CSPG4: variants seen among roughly 807,000 people sequenced by gnomAD.
CSPG4 encodes chondroitin sulfate proteoglycan 4.
CSPG4 carries 74 observed loss-of-function variants against 139.3 expected under a neutral mutation model. That is an observed-to-expected ratio of 0.53 (90% CI 0.44 to 0.64). The LOEUF (loss-of-function observed/expected upper bound fraction) is 0.64, where lower values mean the gene tolerates loss of function less well. CSPG4 is among the 30% of genes least tolerant of loss of function. CSPG4 has a pLI of 0.00. For synonymous variants in CSPG4, 1,234 were observed against 1,394.2 expected, an observed-to-expected ratio of 0.89 and a Z score of 2.56; for missense variants, 2,565 against 3,148.3, an observed-to-expected ratio of 0.81 and a Z score of 4.43.
chr15:75,708,572 C>T (rs1894403286), intron 1 of CSPG4, among the ~76,000 whole-genome samples: 1 of 152,144 alleles, frequency 6.6e-6, no homozygotes, highest in Admixed American at 6.5e-5. Context: ...CTCTCTTTCC[C>T]CTGCTGGGGC....
intron 8 of CSPG4, among the ~76,000 whole-genome samples, chr15:75,681,089 C>T (rs1027699660): frequency 4.6e-5 from 7 of 152,280 alleles, no homozygotes; most frequent in Non-Finnish European, 7.4e-5. Context: ...ACTGAGGGTA[C>T]GCAGCAGCTG....
chr15:75,704,403 T>C (rs1894343237), intron 1 of CSPG4, among the ~76,000 whole-genome samples: 1 of 152,232 alleles, frequency 6.6e-6, no homozygotes, highest in East Asian at 1.9e-4. Flanking sequence ...CCCGTCTGAG[T>C]ACCCACCCCT....
Position 75,675,086 on chromosome 15 carries a change from C to T in CSPG4, c.*464G>A. 2.8e-6 allele frequency: 1 copy of T among 356,600 alleles called. No individual in the cohort carries two copies. The highest frequency in any genetic ancestry group is 5.0e-6 in the Non-Finnish European group (1 of 199,794). 22.1% of individuals were successfully genotyped at this position (356,600 alleles called of 1,614,324 possible). On this transcript the variant is annotated 3_prime_UTR_variant, in exon 10 of 10. Coordinates refer to ENST00000308508, the MANE Select transcript of CSPG4 (RefSeq NM_001897.5). Reference sequence around the variant, plus strand: ...GGAAGTTTTTTTCTCAACTCTGGGGCAGAGACAAAGGGTGGCCTGGGTTGG... The same window carrying T: ...GGAAGTTTTTTTCTCAACTCTGGGGTAGAGACAAAGGGTGGCCTGGGTTGG...
chr15:75,690,396 T>C lies in CSPG4; in HGVS notation c.669A>G (p.Glu223=). The change falls in exon 3 of 10, where the codon GAA becomes GAG. Residue 223 remains glutamate (E), a synonymous_variant. Coordinates refer to ENST00000308508, the MANE Select transcript of CSPG4 (RefSeq NM_001897.5). ...AAFPAWGTQD[E]GTLEFTLTTQ... Reference sequence around the variant, plus strand: ...TGGTGAGTGTAAACTCTAGGGTTCCTTCGTCCTGAGTGCCCCAGGCAGGGA... The same window carrying C: ...TGGTGAGTGTAAACTCTAGGGTTCCCTCGTCCTGAGTGCCCCAGGCAGGGA... 1 of 1,609,612 alleles carries C rather than the reference T, an allele frequency of 6.2e-7. No homozygotes were observed. Among genetic ancestry groups the C allele is most frequent in the Non-Finnish European group, 8.5e-7 (1 of 1,178,588 alleles).
chr15:75,687,977 C>T lies in CSPG4; in HGVS notation c.3088G>A (p.Ala1030Thr). ...GTCAGCAGCCGCCGCCCACCCCGGGCCACATGGAAGATCCGGCTGATGGTC... is the reference window on the plus strand; with the variant it reads ...GTCAGCAGCCGCCGCCCACCCCGGGTCACATGGAAGATCCGGCTGATGGTC... ...VQTISRIFHV[A>T]RGGRRLLTTD... is the part of the protein sequence containing the mutation. The change falls in exon 3 of 10, where the codon GCC (alanine) becomes ACC (threonine). Residue 1030 changes from alanine (A) to threonine (T), a missense_variant. Ala to Thr is a moderately conservative substitution (Grantham distance 58). Coordinates refer to ENST00000308508, the MANE Select transcript of CSPG4 (RefSeq NM_001897.5). The surrounding 1 kb of genome is among the most constrained non-coding windows in gnomAD (Gnocchi z 5.4). 6.2e-7 allele frequency: 1 copy of T among 1,612,576 alleles called. No individual in the cohort carries two copies.
chr15:75,676,671 G>A lies in CSPG4; in HGVS notation c.5848C>T (p.Leu1950=). ...CGCCCCAAAGCTTGGGGCACCTCCA[G>A]GGGTGCCCGCAGCTGCACCTCGATG... ...SAIEVQLRAP[L]EVPQALGRSS... is the part of the protein sequence containing the mutation. The change falls in exon 10 of 10, where the codon CTG becomes TTG. Residue 1950 remains leucine (L), a synonymous_variant. Transcript: ENST00000308508. 6.3e-7 allele frequency: 1 copy of A among 1,595,132 alleles called. No individual in the cohort carries two copies. Among genetic ancestry groups the A allele is most frequent in the African/African-American group, 1.3e-5 (1 of 74,584 alleles).
chr15:75,697,098 C>T (rs1171020202), intron 1 of CSPG4, among the ~76,000 whole-genome samples: 1 of 152,124 alleles, frequency 6.6e-6, no homozygotes, highest in East Asian at 1.9e-4. Context: ...AGGCCAGGGC[C>T]GGGTCTCAGG....
Position 75,676,775 on chromosome 15 carries a change from C to G in CSPG4, c.5744G>C (p.Gly1915Ala), listed in dbSNP as rs201406296. 1.3e-6 allele frequency: 2 copies of G among 1,546,416 alleles called. No homozygotes were observed. The highest frequency in any genetic ancestry group is 2.3e-5 in the East Asian group (1 of 44,008). ...ATCAGACATGCTCAGCTGGAAGATG[C>G]CTGCCACGCTGCTCCCGTTGGCCAC... ...AFVANGSSVA[G>A]IFQLSMSDGA... The change falls in exon 10 of 10, where the codon GGC (glycine) becomes GCC (alanine). Residue 1915 changes from glycine (G) to alanine (A), a missense_variant. By Grantham distance (60) the Gly-to-Ala change is moderately conservative. Coordinates refer to ENST00000308508, the MANE Select transcript of CSPG4 (RefSeq NM_001897.5).
At chr15:75,683,132 G>T (rs1894003007) in intron 5 of CSPG4, 91 bp from the exon 6 acceptor site, 2 of 1,317,610 alleles carry the variant, frequency 1.5e-6, no homozygotes, top group East Asian at 5.0e-5. Context: ...CTCCAGTCCT[G>T]CTGCGGCTCA....
At chr15:75,702,208 G>C (rs1221537551) in intron 1 of CSPG4, among the ~76,000 whole-genome samples, 4 of 152,164 alleles carry the variant, frequency 2.6e-5, no homozygotes, top group African/African-American at 7.2e-5. Context: ...AGGGTCTCTT[G>C]CTCTCTTCCA....
intron 1 of CSPG4, among the ~76,000 whole-genome samples, chr15:75,709,038 G>A (rs1266773096): frequency 6.6e-6 from 1 of 152,128 alleles, no homozygotes; most frequent in Non-Finnish European, 1.5e-5. Flanking sequence ...ACTATGGGGT[G>A]TCCCTGAAGG....
rs780831884 is a variant in CSPG4, at chr15:75,687,537, C to T, written c.3528G>A (p.Gln1176=). The change falls in exon 3 of 10, where the codon CAG becomes CAA. Residue 1176 remains glutamine (Q), a synonymous_variant. Coordinates refer to ENST00000308508, the MANE Select transcript of CSPG4 (RefSeq NM_001897.5). The surrounding 1 kb of genome is among the most constrained non-coding windows in gnomAD (Gnocchi z 5.4). ...TGGCTGGCTGACCAGCCCGGACTAG[C>T]TGTCCCCAGCGAGGGCCAGCTGTGA... The part of the protein sequence containing the change: ...YHVTAGPRWG[Q]LVRAGQPATA... The T allele has an allele frequency of 1.9e-6, 3 of 1,611,372 alleles. No individual in the cohort carries two copies. Among genetic ancestry groups the T allele is most frequent in the South Asian group, 2.2e-5 (2 of 90,958 alleles).
chr15:75,709,848 C>T (rs929236234), intron 1 of CSPG4, among the ~76,000 whole-genome samples: 16 of 152,028 alleles, frequency 1.1e-4, no homozygotes, highest in Non-Finnish European at 2.4e-4. Context: ...TTGTCCTGCC[C>T]GGGCGGGCAG....
chr15:75,681,609 C>T (rs1422314987), intron 8 of CSPG4, among the ~76,000 whole-genome samples: 2 of 152,216 alleles, frequency 1.3e-5, no homozygotes, highest in Non-Finnish European at 2.9e-5. Context: ...CCCCGCTCTG[C>T]CCTGCTATGG....
In CSPG4 at chr15:75,709,729, A is replaced by C. The variant is rs555662690; in HGVS notation, c.88+2939T>G. 9.9e-3 allele frequency among the ~76,000 whole-genome samples: 1,508 copies of C among 152,090 alleles called. 24 individuals are homozygous for C. The highest frequency in any genetic ancestry group is 0.034 in the African/African-American group (1,428 of 41,468). ...AGACACAGCCTATACACTTCCTCTGAGAGCTCCACACGCACCCTACTCCCC... is the reference window on the plus strand; with the variant it reads ...AGACACAGCCTATACACTTCCTCTGCGAGCTCCACACGCACCCTACTCCCC... On this transcript the variant is annotated intron_variant, in intron 1 of 9. Coordinates refer to ENST00000308508, the MANE Select transcript of CSPG4 (RefSeq NM_001897.5).
chr15:75,691,104 G>T (rs920216497), intron 2 of CSPG4, among the ~76,000 whole-genome samples: 1 of 152,196 alleles, frequency 6.6e-6, no homozygotes, highest in African/African-American at 2.4e-5. Context: ...AACTCGGGAG[G>T]TGGAGGTTGC....
rs1373977155 is a variant in CSPG4 at position 75,689,036 on chromosome 15, A to C, written c.2029T>G (p.Ser677Ala). The C allele has an allele frequency of 4.3e-6, 7 of 1,611,770 alleles. No individual in the cohort carries two copies. The highest frequency in any genetic ancestry group is 5.9e-6 in the Non-Finnish European group (7 of 1,179,972). The change falls in exon 3 of 10, where the codon TCT becomes GCT. Residue 677 changes from serine (S) to alanine (A), a missense_variant. This residue lies in a region of CSPG4 where 2,316 missense variants were observed against 2,818.2 expected (regional missense o/e 0.82). Transcript: ENST00000308508. ...RSTGLRLAQGSAMPILPANLS... is the reference protein window; with the variant it reads ...RSTGLRLAQGAAMPILPANLS... ...TTGGCGGGCAAGATGGGCATGGCAG[A>C]GCCTTGGGCCAGTCGCAACCCTGTG...
chr15:75,712,633 C>T, intron 1 of CSPG4, 35 bp downstream of exon 1: 1 of 1,542,316 alleles, frequency 6.5e-7, no homozygotes, highest in Non-Finnish European at 8.8e-7. Context: ...TCTAGTTCCG[C>T]CAGGCTGGGT....
chr15:75,681,022 A>G (rs1893967372), intron 8 of CSPG4, among the ~76,000 whole-genome samples: 1 of 152,212 alleles, frequency 6.6e-6, no homozygotes, highest in South Asian at 2.1e-4. Context: ...AGGGTTGCTG[A>G]TGGCCTGGTC....
Sources: gnomAD v4.1 joint callset for allele counts (sites outside exome capture counted in the v4.1 genomes callset) on GRCh38, gnomAD v4.1.1 for gene constraint, gnomAD v4.1.1 regional missense constraint, Gnocchi (gnomAD v3.1) non-coding constraint, MANE v1.5 for transcripts, NCBI Gene and HGNC (gene_info 2026-07-23, HGNC 2026-07-21) for gene names.